DLGAP2: variants seen among roughly 807,000 people sequenced by gnomAD.
DLGAP2 encodes disks large-associated protein 2.
Under a neutral mutation model 100.3 loss-of-function variants are expected in DLGAP2, and 26 were observed. That is an observed-to-expected ratio of 0.26 (90% CI 0.19 to 0.36). The LOEUF is 0.36. Among genes scored for constraint, DLGAP2 ranks in the 10% least tolerant of loss-of-function variants. The pLI is 1.00. For missense variants in DLGAP2, 1,858 were observed against 1,453.2 expected, an observed-to-expected ratio of 1.28 and a Z score of -4.53; for synonymous variants, 886 against 630.1, an observed-to-expected ratio of 1.41 and a Z score of -6.08.
chr8:778,926 G>A (rs1178075918), intron 1 of DLGAP2, among the ~76,000 whole-genome samples: 3 of 152,200 alleles, frequency 2.0e-5, no homozygotes, highest in Non-Finnish European at 4.4e-5. Context: ...AATGGTGGGC[G>A]CCCCTCCCCC....
intron 3 of DLGAP2, among the ~76,000 whole-genome samples, chr8:1,373,358 C>A (rs117408777): frequency 1.3e-5 from 2 of 152,050 alleles, no homozygotes; most frequent in East Asian, 3.9e-4. Context: ...TGGACCGTGG[C>A]CGCAGGTTGG....
At chr8:1,169,982 C>T (rs955488896) in intron 2 of DLGAP2, among the ~76,000 whole-genome samples, 1 of 151,694 alleles carries the variant, frequency 6.6e-6, no homozygotes, top group African/African-American at 2.4e-5. Context: ...GGAATGCTTC[C>T]AGTTTTTGCC....
At chr8:927,808 A>G (rs1248928808) in intron 2 of DLGAP2, among the ~76,000 whole-genome samples, 2 of 152,214 alleles carry the variant, frequency 1.3e-5, no homozygotes, top group African/African-American at 2.4e-5. Context: ...GAAATTTCTC[A>G]AGAAGTATAT....
chr8:1,039,668 AGCTCGGTGTGCG>A (rs1802255853), intron 2 of DLGAP2, among the ~76,000 whole-genome samples: 4 of 84,990 alleles, frequency 4.7e-5, no homozygotes, highest in South Asian at 4.9e-4. Flanking sequence ...GTGGGTGGTC[AGCTCGGTGTGCG>A]TGGTCAGCTC....
intron 3 of DLGAP2, among the ~76,000 whole-genome samples, chr8:1,390,003 C>T (rs970547387): frequency 3.3e-5 from 5 of 152,122 alleles, no homozygotes; most frequent in Admixed American, 1.3e-4. Context: ...TCTGCACCCA[C>T]GGAGTGTGTC....
At chr8:1,179,519 A>G (rs998915327) in intron 2 of DLGAP2, among the ~76,000 whole-genome samples, 2 of 152,258 alleles carry the variant, frequency 1.3e-5, no homozygotes, top group African/African-American at 4.8e-5. Flanking sequence ...GGCTGCTGGG[A>G]TGAGGCTTCC....
In DLGAP2 at chr8:1,281,882, C is replaced by T. The variant is rs147374026; in HGVS notation, c.106+22999C>T. Reference sequence around the variant, plus strand: ...GGGCTTTGATCTGCCCTGGAAGAGACGTTCAAACCACAGCCAGAGGGTCAT... The same window carrying T: ...GGGCTTTGATCTGCCCTGGAAGAGATGTTCAAACCACAGCCAGAGGGTCAT... On this transcript the variant is annotated intron_variant, in intron 3 of 14. Transcript: ENST00000637795. Among the ~76,000 whole-genome samples the T allele has an allele frequency of 1.9e-4, 29 of 152,340 alleles. 1 individual carries two copies. Among genetic ancestry groups the T allele is most frequent in the African/African-American group, 6.5e-4 (27 of 41,576 alleles).
intron 2 of DLGAP2, among the ~76,000 whole-genome samples, chr8:1,061,989 G>C (rs1803099065): frequency 6.6e-6 from 1 of 151,878 alleles, no homozygotes; most frequent in Admixed American, 6.6e-5. Flanking sequence ...CATCACAATA[G>C]GTGGCTCCTG....
At chr8:1,212,497 C>T (rs913617498) in intron 2 of DLGAP2, among the ~76,000 whole-genome samples, 1 of 152,116 alleles carries the variant, frequency 6.6e-6, no homozygotes, top group South Asian at 2.1e-4. Context: ...CCATGGAGCA[C>T]TGTCCATAAA....
chr8:1,603,849 G>C (rs1004300352), intron 6 of DLGAP2, among the ~76,000 whole-genome samples: 1 of 152,136 alleles, frequency 6.6e-6, no homozygotes, highest in Non-Finnish European at 1.5e-5. Context: ...GCTGGCAGGA[G>C]ACCACCGTTC....
At chr8:1,343,905 C>T (rs553298078) in intron 3 of DLGAP2, among the ~76,000 whole-genome samples, 9 of 152,276 alleles carry the variant, frequency 5.9e-5, no homozygotes, top group Non-Finnish European at 1.2e-4. Flanking sequence ...CGGGTGCGAG[C>T]TCCCTGCCAG....
chr8:1,669,714 C>T, intron 9 of DLGAP2, 29 bp from the exon 10 acceptor site: 1 of 780,888 alleles, frequency 1.3e-6, no homozygotes, highest in East Asian at 2.4e-5. Flanking sequence ...AACCAGGTCT[C>T]CACACTGTGG....
intron 3 of DLGAP2, among the ~76,000 whole-genome samples, chr8:1,483,650 G>A (rs190672827): frequency 2.9e-4 from 43 of 149,936 alleles, no homozygotes; most frequent in African/African-American, 1.1e-3. Context: ...AGGACCTGAG[G>A]GCGTCTACAC....
intron 2 of DLGAP2, among the ~76,000 whole-genome samples, chr8:1,000,859 G>A (rs556016657): frequency 7.9e-5 from 12 of 152,236 alleles, no homozygotes; most frequent in African/African-American, 2.6e-4. Flanking sequence ...ACAGGTGTGG[G>A]GGGAGAGGAG....
At chr8:877,019 T>C (rs2128992603) in intron 1 of DLGAP2, among the ~76,000 whole-genome samples, 1 of 152,132 alleles carries the variant, frequency 6.6e-6, no homozygotes, top group African/African-American at 2.4e-5. Context: ...TTTTTATTTT[T>C]TGCAACATTC....
intron 3 of DLGAP2, among the ~76,000 whole-genome samples, chr8:1,449,191 C>T (rs529172293): frequency 6.6e-6 from 1 of 152,332 alleles, no homozygotes; most frequent in African/African-American, 2.4e-5. Flanking sequence ...CCACACAGCA[C>T]AGTTCTCAGC....
At chr8:1,090,591 G>A (rs1409621416) in intron 2 of DLGAP2, among the ~76,000 whole-genome samples, 4 of 152,220 alleles carry the variant, frequency 2.6e-5, no homozygotes, top group Non-Finnish European at 5.9e-5. Flanking sequence ...GAGAGTGGCA[G>A]CCCCCTGAGT....
intron 2 of DLGAP2, among the ~76,000 whole-genome samples, chr8:1,039,433 CGGCTCGGTGTGTGTGGTT>C (rs1563158592): frequency 6.8e-6 from 1 of 147,600 alleles, no homozygotes; most frequent in African/African-American, 2.5e-5. Context: ...TTTCTGTAGT[CGGCTCGGTGTGTGTGGTT>C]GGCTCGGTAT....
intron 5 of DLGAP2, among the ~76,000 whole-genome samples, chr8:1,557,230 G>A (rs752178501): frequency 4.6e-5 from 7 of 152,162 alleles, no homozygotes; most frequent in Admixed American, 1.3e-4. Flanking sequence ...TCCAAAGAGC[G>A]TGAGCTTTAG....
Sources: allele counts gnomAD v4.1 joint callset (sites outside exome capture counted in the v4.1 genomes callset), GRCh38; gene constraint gnomAD v4.1.1; transcripts MANE v1.5; gene names NCBI Gene and HGNC (gene_info 2026-07-23, HGNC 2026-07-21).